The following GRM3 variants were observed in gnomAD, a reference collection of about 807,000 sequenced individuals.
GRM3 encodes metabotropic glutamate receptor 3.
A neutral mutation model predicts 70.5 loss-of-function variants in GRM3; 26 were observed. That is an observed-to-expected ratio of 0.37 (90% CI 0.27 to 0.51). The LOEUF (loss-of-function observed/expected upper bound fraction) is 0.51. Ranked by LOEUF, GRM3 falls within the 20% of genes least tolerant of loss-of-function variation. The pLI is 0.93. For synonymous variants in GRM3, 443 were observed against 434.9 expected (o/e 1.02, Z -0.23); for missense variants, 859 against 1,123.8 (o/e 0.76, Z 3.37).
chr7:86,786,775 A>G lies in GRM3; in HGVS notation c.983A>G (p.Gln328Arg). Residue 328 changes from glutamine (Q) to arginine (R), a missense_variant, in exon 3 of 6, where the codon CAG becomes CGG. By Grantham distance (43) the Gln-to-Arg change is conservative. Transcript: ENST00000361669. The surrounding 1 kb of genome is among the most constrained non-coding windows in gnomAD (Gnocchi z 6.0). ...YGAITLELAS[Q>R]PVRQFDRYFQ... ...GCCATCACCCTGGAGCTGGCCTCCCAGCCTGTCCGCCAGTTCGACCGCTAC... is the reference window on the plus strand; with the variant it reads ...GCCATCACCCTGGAGCTGGCCTCCCGGCCTGTCCGCCAGTTCGACCGCTAC... 6.2e-7 allele frequency: 1 copy of G among 1,614,102 alleles called. No homozygotes were observed. Among genetic ancestry groups the G allele is most frequent in the Non-Finnish European group, 8.5e-7 (1 of 1,180,010 alleles).
chr7:86,780,372 A>T (rs113047939), intron 2 of GRM3, among the ~76,000 whole-genome samples: 1,740 of 152,318 alleles, frequency 0.011, 18 homozygotes, highest in Non-Finnish European at 0.018. Context: ...ATAACATTGC[A>T]TCTGCTGGCA....
rs1797232483 is a variant in GRM3, at chr7:86,786,111, G to A, written c.469-150G>A. 2 of 696,916 alleles carry A rather than the reference G, an allele frequency of 2.9e-6. No homozygotes were observed. 43.2% of individuals were successfully genotyped at this position (696,916 alleles called of 1,614,324 possible). A position where few individuals can be genotyped will look rare whatever the true frequency, so the allele number is the denominator to read the frequency against. On this transcript the variant is annotated intron_variant, in intron 2 of 5. Transcript: ENST00000361669. The surrounding 1 kb of genome is among the most constrained non-coding windows in gnomAD (Gnocchi z 6.0). ...AATACAGTATCCAAGGAAGCATCTG[G>A]TATTCATCTCAAGAACTAACAGAAA...
intron 1 of GRM3, among the ~76,000 whole-genome samples, chr7:86,645,482 C>G (rs1245537488): frequency 6.6e-6 from 1 of 152,188 alleles, no homozygotes; most frequent in East Asian, 1.9e-4. Context: ...CATATCTTTT[C>G]ATCGACCCTG....
chr7:86,758,382 T>TA (rs762592887), intron 1 of GRM3, among the ~76,000 whole-genome samples: 1 of 152,162 alleles, frequency 6.6e-6, no homozygotes, highest in Non-Finnish European at 1.5e-5. Flanking sequence ...CTGAAACTTC[T>TA]ATTAGACTTT....
chr7:86,764,006 T>C (rs1281751064), intron 1 of GRM3, among the ~76,000 whole-genome samples: 2 of 151,972 alleles, frequency 1.3e-5, no homozygotes, highest in African/African-American at 4.8e-5. Flanking sequence ...AGTGGCTAAT[T>C]GAAAGATGGT....
At chr7:86,680,018 C>T (rs1700631060) in intron 1 of GRM3, among the ~76,000 whole-genome samples, 1 of 152,078 alleles carries the variant, frequency 6.6e-6, no homozygotes, top group African/African-American at 2.4e-5. Flanking sequence ...TAGACTTGTC[C>T]TTCACTAATT....
At position 86,786,792 on chromosome 7, in the gene GRM3, GACCGCT is replaced by G; in HGVS notation, c.1003_1008del (p.Arg335_Tyr336del). 1 of 1,614,138 alleles carries G rather than the reference GACCGCT, an allele frequency of 6.2e-7. No homozygotes were observed. Among genetic ancestry groups the G allele is most frequent in the Non-Finnish European group, 8.5e-7 (1 of 1,180,014 alleles). On this transcript the variant is annotated inframe_deletion, in exon 3 of 6. Transcript: ENST00000361669. This position sits in a 1 kb window ranked among gnomAD's most constrained non-coding sequence, Gnocchi z 6.0. ...GGCCTCCCAGCCTGTCCGCCAGTTC[GACCGCT>G]ACTTCCAGAGCCTCAACCCCTACAA...
intron 1 of GRM3, among the ~76,000 whole-genome samples, chr7:86,693,054 A>G (rs761028840): frequency 5.9e-5 from 9 of 152,156 alleles, no homozygotes; most frequent in Non-Finnish European, 8.8e-5. Context: ...TTTGTCATCA[A>G]AAAGGATTGT....
intron 1 of GRM3, among the ~76,000 whole-genome samples, chr7:86,744,132 C>G (rs1796049974): frequency 6.6e-6 from 1 of 152,032 alleles, no homozygotes; most frequent in South Asian, 2.1e-4. Flanking sequence ...ATCCCACACC[C>G]AGGTCTGGGC....
chr7:86,864,115 A>AC (rs1485215518), intron 5 of GRM3, among the ~76,000 whole-genome samples, 167 bp from the exon 6 acceptor site: 1 of 148,838 alleles, frequency 6.7e-6, no homozygotes, highest in African/African-American at 2.6e-5. Context: ...ATTTTGGTGC[A>AC]CCCATCACCT....
chr7:86,720,807 C>T lies in GRM3; in HGVS notation c.-140-44199C>T, dbSNP rs1218481373. ...AGTGTTCACTCATTCATTTGTTCAACAAATATTGATGAAGCACCTAACTAT... is the reference window on the plus strand; with the variant it reads ...AGTGTTCACTCATTCATTTGTTCAATAAATATTGATGAAGCACCTAACTAT... On this transcript the variant is annotated intron_variant, in intron 1 of 5. Transcript: ENST00000361669. Among the ~76,000 whole-genome samples, 5 of 152,008 alleles carry T rather than the reference C, an allele frequency of 3.3e-5. No individual in the cohort carries two copies. In the East Asian group the frequency reaches 9.7e-4, roughly 29 times the overall value.
At chr7:86,804,874 A>G (rs1471365867) in intron 3 of GRM3, among the ~76,000 whole-genome samples, 1 of 152,154 alleles carries the variant, frequency 6.6e-6, no homozygotes, top group African/African-American at 2.4e-5. Context: ...ATGTTTTGGG[A>G]AGCTGAGGCT....
intron 3 of GRM3, among the ~76,000 whole-genome samples, chr7:86,831,616 C>T (rs1203261225): frequency 6.6e-6 from 1 of 151,966 alleles, no homozygotes; most frequent in Non-Finnish European, 1.5e-5. Context: ...CCCTACCTCC[C>T]CATTCTTCCT....
At chr7:86,751,874 T>C (rs1391613500) in intron 1 of GRM3, among the ~76,000 whole-genome samples, 1 of 152,154 alleles carries the variant, frequency 6.6e-6, no homozygotes, top group African/African-American at 2.4e-5. Flanking sequence ...TCAGAGTTAG[T>C]GCTGTTAGTA....
intron 1 of GRM3, among the ~76,000 whole-genome samples, chr7:86,674,048 C>T (rs1195967055): frequency 6.6e-6 from 1 of 152,148 alleles, no homozygotes; most frequent in Non-Finnish European, 1.5e-5. Flanking sequence ...TGTTGTCTAA[C>T]ACATTGCACC....
chr7:86,707,553 G>A (rs1157786959), intron 1 of GRM3, among the ~76,000 whole-genome samples: 1 of 152,018 alleles, frequency 6.6e-6, no homozygotes, highest in African/African-American at 2.4e-5. Flanking sequence ...GAACAATGGG[G>A]ATGATGATAA....
intron 2 of GRM3, among the ~76,000 whole-genome samples, chr7:86,777,513 T>C (rs1315075966): frequency 1.3e-5 from 2 of 152,190 alleles, no homozygotes; most frequent in Non-Finnish European, 2.9e-5. Flanking sequence ...GCCCATGGCA[T>C]GTAAGAGTTG....
At chr7:86,792,365 A>G (rs1034798687) in intron 3 of GRM3, among the ~76,000 whole-genome samples, 1 of 152,204 alleles carries the variant, frequency 6.6e-6, no homozygotes, top group Non-Finnish European at 1.5e-5. Context: ...AGTATACCCA[A>G]TTTGAAGGAA....
chr7:86,857,564 G>T (rs1352005417), intron 5 of GRM3, among the ~76,000 whole-genome samples: 1 of 152,162 alleles, frequency 6.6e-6, no homozygotes, highest in Non-Finnish European at 1.5e-5. Context: ...CCAATAAAGT[G>T]TTCTGATACT....
Sources: allele counts gnomAD v4.1 joint callset (sites outside exome capture counted in the v4.1 genomes callset), GRCh38; gene constraint gnomAD v4.1.1; non-coding constraint Gnocchi (gnomAD v3.1); transcripts MANE v1.5; gene names NCBI Gene and HGNC (gene_info 2026-07-23, HGNC 2026-07-21).